CASZ1: variants seen among roughly 807,000 people sequenced by gnomAD.
The protein encoded by CASZ1 is castor zinc finger 1.
Under a neutral mutation model 135.2 loss-of-function variants are expected in CASZ1, and 28 were observed. The ratio of observed to expected loss-of-function variants is 0.21; its 90% CI spans 0.15 to 0.28. The LOEUF is 0.28. Among genes scored for constraint, CASZ1 ranks in the 10% least tolerant of loss-of-function variants. The probability of loss-of-function intolerance (pLI) is 1.00; values close to 1 mark genes in which losing one functional copy is unlikely to be tolerated. For synonymous variants in CASZ1, 1,068 were observed against 1,073.4 expected, an observed-to-expected ratio of 0.99 and a Z score of 0.10; for missense variants, 2,161 against 2,453.3, an observed-to-expected ratio of 0.88 and a Z score of 2.52.
intron 3 of CASZ1, among the ~76,000 whole-genome samples, chr1:10,696,804 GC>G (rs1315034053): frequency 6.6e-6 from 1 of 152,284 alleles, no homozygotes; most frequent in Non-Finnish European, 1.5e-5. Flanking sequence ...CTGGGCTTCA[GC>G]TGATAGTGGT....
chr1:10,679,880 G>A lies in CASZ1; in HGVS notation c.16+13994C>T, dbSNP rs1331890210. On this transcript the variant is annotated intron_variant, in intron 4 of 20. Coordinates refer to ENST00000377022, the MANE Select transcript of CASZ1 (RefSeq NM_001079843.3). This position sits in a 1 kb window ranked among gnomAD's most constrained non-coding sequence, Gnocchi z 4.7. ...GGGCAGCAGGCCAAGTCCCAGCCCT[G>A]GGACTCCCCTCCCCTACCCTTCCAG... 6.6e-6 allele frequency among the ~76,000 whole-genome samples: 1 copy of A among 152,172 alleles called. No homozygotes were observed. The highest frequency in any genetic ancestry group is 2.4e-5 in the African/African-American group (1 of 41,450).
chr1:10,759,195 TG>T lies in CASZ1; in HGVS notation c.-77+1505del, dbSNP rs1640316464. Among the ~76,000 whole-genome samples the T allele has an allele frequency of 6.6e-6, 1 of 152,170 alleles. No individual in the cohort carries two copies. The highest frequency in any genetic ancestry group is 2.4e-5 in the African/African-American group (1 of 41,424). On this transcript the variant is annotated intron_variant, in intron 2 of 20. Coordinates refer to ENST00000377022, the MANE Select transcript of CASZ1 (RefSeq NM_001079843.3). The surrounding 1 kb of genome is among the most constrained non-coding windows in gnomAD (Gnocchi z 4.2). Reference sequence around the variant, plus strand: ...TCATGGGCAGGGCACAGGGCAGGGCTGGGCAAGACCACCCTGAGGCTTGCAT... The same window carrying T: ...TCATGGGCAGGGCACAGGGCAGGGCTGGCAAGACCACCCTGAGGCTTGCAT...
chr1:10,716,422 G>C (rs1478135948), intron 2 of CASZ1, among the ~76,000 whole-genome samples: 1 of 152,238 alleles, frequency 6.6e-6, no homozygotes, highest in Non-Finnish European at 1.5e-5. Context: ...GCATGGATGG[G>C]GACCCCGGCT....
rs370343647 is a variant in CASZ1 at position 10,778,932 on chromosome 1, A to G, written c.-234+17632T>C. Reference sequence around the variant, plus strand: ...CCTGGGCCCCTACATCCCACCTCCCATCACATCCTAGCCCAGAGGTGGGTA... The same window carrying G: ...CCTGGGCCCCTACATCCCACCTCCCGTCACATCCTAGCCCAGAGGTGGGTA... On this transcript the variant is annotated intron_variant, in intron 1 of 20. Coordinates refer to ENST00000377022, the MANE Select transcript of CASZ1 (RefSeq NM_001079843.3). Among the ~76,000 whole-genome samples the G allele has an allele frequency of 6.8e-4, 103 of 152,300 alleles. 2 individuals carry two copies. The East Asian group carries it at 0.017, about 25-fold the overall frequency.
chr1:10,673,799 T>C (rs531489319), intron 4 of CASZ1, among the ~76,000 whole-genome samples: 10 of 152,190 alleles, frequency 6.6e-5, no homozygotes, highest in Non-Finnish European at 1.3e-4. Flanking sequence ...ATGTGGACCC[T>C]CCGTGGGCAG....
chr1:10,675,802 C>CA (rs1437352311), intron 4 of CASZ1, among the ~76,000 whole-genome samples: 3 of 141,786 alleles, frequency 2.1e-5, no homozygotes, highest in African/African-American at 7.5e-5. Flanking sequence ...ACCCCCCCCC[C>CA]ACCCCCAACA....
chr1:10,748,081 G>A (rs973749221), intron 2 of CASZ1, among the ~76,000 whole-genome samples: 2 of 152,148 alleles, frequency 1.3e-5, no homozygotes, highest in Non-Finnish European at 1.5e-5. Flanking sequence ...GCCTCCCAAA[G>A]TGCTGGGATT....
rs557153 is a variant in CASZ1 at position 10,680,584 on chromosome 1, G to C, written c.16+13290C>G. 3.1e-3 allele frequency among the ~76,000 whole-genome samples: 469 copies of C among 152,302 alleles called. 5 individuals carry two copies. The highest frequency in any genetic ancestry group is 0.011 in the African/African-American group (444 of 41,540). ...GCATTACTGTGTCACACTCCAGAGC[G>C]CAAAGGGTAGGGCAACTTTGGGCTG... On this transcript the variant is annotated intron_variant, in intron 4 of 20. Coordinates refer to ENST00000377022, the MANE Select transcript of CASZ1 (RefSeq NM_001079843.3).
At chr1:10,766,588 C>A (rs1485922727) in intron 1 of CASZ1, among the ~76,000 whole-genome samples, 2 of 152,108 alleles carry the variant, frequency 1.3e-5, no homozygotes, top group Non-Finnish European at 2.9e-5. Context: ...TGTGGTAACA[C>A]CCGGGTAACG....
At chr1:10,686,436 C>T (rs894533394) in intron 4 of CASZ1, among the ~76,000 whole-genome samples, 47 of 152,224 alleles carry the variant, frequency 3.1e-4, no homozygotes, top group Non-Finnish European at 5.3e-4. Flanking sequence ...CCCCCTCTCA[C>T]CTTTCTCCTT....
At chr1:10,671,056 C>A (rs1018117325) in intron 4 of CASZ1, among the ~76,000 whole-genome samples, 1 of 152,252 alleles carries the variant, frequency 6.6e-6, no homozygotes, top group African/African-American at 2.4e-5. Flanking sequence ...GGCCACTGGG[C>A]CCTAGCTTGC....
chr1:10,646,421 G>A lies in CASZ1; in HGVS notation c.3498-95C>T, dbSNP rs1281105984. Reference sequence around the variant, plus strand: ...CTTGTGTTGGAGTTCACTCCCCCACGACCAGCGGTACCACCAAGAGGGATG... The same window carrying A: ...CTTGTGTTGGAGTTCACTCCCCCACAACCAGCGGTACCACCAAGAGGGATG... On this transcript the variant is annotated intron_variant, in intron 16 of 20. Transcript: ENST00000377022. The surrounding 1 kb of genome is among the most constrained non-coding windows in gnomAD (Gnocchi z 6.4). 21 of 1,169,692 alleles carry A rather than the reference G, an allele frequency of 1.8e-5. No homozygotes were observed. Among genetic ancestry groups the A allele is most frequent in the Admixed American group, 1.6e-4 (8 of 50,612 alleles). The allele number at this position is 1,169,692 out of a possible 1,614,324, so 72.5% of individuals were successfully genotyped here. A position where few individuals can be genotyped will look rare whatever the true frequency, so the allele number is the denominator to read the frequency against.
At position 10,742,355 on chromosome 1, in the gene CASZ1, T is replaced by C. The variant is rs116194396; in HGVS notation, c.-77+18346A>G. The stretch of plus-strand genomic sequence containing the variant: ...GAATTAATGCACTAAAGTTATTTTG[T>C]TTTTCCTCTAAATGGTTTTAAAGAG... On this transcript the variant is annotated intron_variant, in intron 2 of 20. Transcript: ENST00000377022. Among the ~76,000 whole-genome samples, 449 of 152,252 alleles carry C rather than the reference T, an allele frequency of 2.9e-3. 1 individual carries two copies. Among genetic ancestry groups the C allele is most frequent in the African/African-American group, 0.01 (423 of 41,532 alleles).
At chr1:10,733,578 C>T (rs1050857107) in intron 2 of CASZ1, among the ~76,000 whole-genome samples, 5 of 152,160 alleles carry the variant, frequency 3.3e-5, no homozygotes, top group African/African-American at 1.2e-4. Flanking sequence ...GAGAAGTTAC[C>T]GGGCAACTAT....
At chr1:10,732,139 A>G (rs1198721094) in intron 2 of CASZ1, among the ~76,000 whole-genome samples, 1 of 151,910 alleles carries the variant, frequency 6.6e-6, no homozygotes, top group South Asian at 2.1e-4. Flanking sequence ...AGCCTGGCCA[A>G]CGTAGTGAAA....
intron 2 of CASZ1, among the ~76,000 whole-genome samples, chr1:10,752,809 G>A (rs1311763572): frequency 6.6e-6 from 1 of 152,248 alleles, no homozygotes; most frequent in East Asian, 1.9e-4. Flanking sequence ...GCCAAGGTGG[G>A]TGGATCACCT....
rs967165957 is a variant in CASZ1, at chr1:10,755,764, T to A, written c.-77+4937A>T. Among the ~76,000 whole-genome samples the A allele has an allele frequency of 6.6e-6, 1 of 151,848 alleles. No homozygotes were observed. The highest frequency in any genetic ancestry group is 6.6e-5 in the Admixed American group (1 of 15,256). On this transcript the variant is annotated intron_variant, in intron 2 of 20. Transcript: ENST00000377022. This position sits in a 1 kb window ranked among gnomAD's most constrained non-coding sequence, Gnocchi z 4.3. The stretch of plus-strand genomic sequence containing the variant: ...CTTCCCAGACCAACTCCCAGCCACA[T>A]CTCTGCCCAGCCCAAGGCAACCTTG...
intron 17 of CASZ1, 59 bp from the exon 18 acceptor site, chr1:10,645,147 C>T: frequency 6.6e-7 from 1 of 1,515,822 alleles, no homozygotes; most frequent in Non-Finnish European, 9.1e-7. Flanking sequence ...CTCCTGCCTG[C>T]CCCGGGCCTG....
chr1:10,680,305 C>T (rs1638373083), intron 4 of CASZ1, among the ~76,000 whole-genome samples: 1 of 148,260 alleles, frequency 6.7e-6, no homozygotes, highest in Non-Finnish European at 1.5e-5. Flanking sequence ...GAGGGGGGTG[C>T]GAGGCCGGCT....
Sources: gnomAD v4.1 joint callset for allele counts (sites outside exome capture counted in the v4.1 genomes callset) on GRCh38, gnomAD v4.1.1 for gene constraint, Gnocchi (gnomAD v3.1) non-coding constraint, MANE v1.5 for transcripts, NCBI Gene and HGNC (gene_info 2026-07-23, HGNC 2026-07-21) for gene names.